The following ALPL variants were observed in gnomAD, a reference collection of about 807,000 sequenced individuals.
ALPL encodes alkaline phosphatase, tissue-nonspecific isozyme.
Under a neutral mutation model 51.3 loss-of-function variants are expected in ALPL, and 42 were observed. That is an observed-to-expected ratio of 0.82 (90% CI 0.64 to 1.06). The LOEUF is 1.06. ALPL is among the 50% of genes least tolerant of loss of function. ALPL has a pLI of 0.00. For synonymous variants in ALPL, 279 were observed against 296.4 expected (o/e 0.94, Z 0.60); for missense variants, 589 against 709.4 (o/e 0.83, Z 1.93).
At chr1:21,515,445 G>A (rs1267092604) in intron 1 of ALPL, among the ~76,000 whole-genome samples, 2 of 152,194 alleles carry the variant, frequency 1.3e-5, no homozygotes, top group Admixed American at 1.3e-4. Context: ...CTGGAGTGCA[G>A]TGGCGTGATC....
At chr1:21,554,651 AG>A in intron 2 of ALPL, among the ~76,000 whole-genome samples, 1 of 150,422 alleles carries the variant, frequency 6.6e-6, no homozygotes, top group South Asian at 2.1e-4. Context: ...CCACCGCGCC[AG>A]GCTAATTTTT....
chr1:21,541,974 G>A (rs1644192868), intron 1 of ALPL, among the ~76,000 whole-genome samples: 2 of 152,166 alleles, frequency 1.3e-5, no homozygotes, highest in South Asian at 4.1e-4. Flanking sequence ...GCCCTCTAGG[G>A]AAGTCCTTCC....
intron 1 of ALPL, among the ~76,000 whole-genome samples, chr1:21,550,362 GGCA>G (rs1644305090): frequency 6.6e-6 from 1 of 152,096 alleles, no homozygotes; most frequent in Non-Finnish European, 1.5e-5. Flanking sequence ...GGTAACCTTG[GGCA>G]AGTCTCCGTC....
intron 1 of ALPL, among the ~76,000 whole-genome samples, chr1:21,518,330 G>T (rs1055655194): frequency 1.3e-5 from 2 of 152,046 alleles, no homozygotes; most frequent in Non-Finnish European, 1.5e-5. Flanking sequence ...CACTTGTTAC[G>T]CACCAAGCCA....
intron 1 of ALPL, among the ~76,000 whole-genome samples, chr1:21,542,957 G>C (rs963535037): frequency 6.6e-6 from 1 of 151,924 alleles, no homozygotes; most frequent in Non-Finnish European, 1.5e-5. Flanking sequence ...TTCGAGACTA[G>C]CCTGGGCAGC....
intron 2 of ALPL, 148 bp downstream of exon 2, chr1:21,554,290 C>A (rs1410925811): frequency 4.0e-6 from 3 of 745,792 alleles, no homozygotes; most frequent in Non-Finnish European, 7.2e-6. Flanking sequence ...AGCCCTGCTA[C>A]TTGCATGTGT....
chr1:21,510,867 C>G (rs1425529592), intron 1 of ALPL, among the ~76,000 whole-genome samples: 1 of 152,210 alleles, frequency 6.6e-6, no homozygotes, highest in East Asian at 1.9e-4. Context: ...CCTGTGTCAC[C>G]TTTTTCTTTC....
At chr1:21,513,633 T>G (rs547356222) in intron 1 of ALPL, among the ~76,000 whole-genome samples, 1 of 152,312 alleles carries the variant, frequency 6.6e-6, no homozygotes, top group South Asian at 2.1e-4. Context: ...TAGCCTGCTG[T>G]GTGCTGGGTT....
At chr1:21,543,888 T>C (rs1380232426) in intron 1 of ALPL, among the ~76,000 whole-genome samples, 1 of 152,224 alleles carries the variant, frequency 6.6e-6, no homozygotes, top group Non-Finnish European at 1.5e-5. Flanking sequence ...TTTATTAGGC[T>C]GCTTGGTAGA....
intron 2 of ALPL, among the ~76,000 whole-genome samples, chr1:21,555,688 G>A (rs376664967): frequency 6.6e-6 from 1 of 152,114 alleles, no homozygotes; most frequent in Non-Finnish European, 1.5e-5. Context: ...AAAGTGCTGG[G>A]ATTACAGGTG....
intron 1 of ALPL, among the ~76,000 whole-genome samples, chr1:21,545,394 G>T (rs1470488028): frequency 1.3e-5 from 2 of 152,074 alleles, no homozygotes; most frequent in Non-Finnish European, 2.9e-5. Flanking sequence ...GGGTTCAAGC[G>T]ATTCTCCTGC....
chr1:21,566,882 CCACCGCGCCTGGCCAGTCG>C (rs1222941754), intron 6 of ALPL, among the ~76,000 whole-genome samples: 26 of 152,252 alleles, frequency 1.7e-4, no homozygotes, highest in Non-Finnish European at 2.9e-5. Context: ...CAGGCATGAG[CCACCGCGCCTGGCCAGTCG>C]CATTTTATGG....
chr1:21,562,363 G>A (rs572906400), intron 4 of ALPL, among the ~76,000 whole-genome samples: 28 of 152,310 alleles, frequency 1.8e-4, no homozygotes, highest in Non-Finnish European at 3.5e-4. Context: ...ACACTAAAAT[G>A]AGGTGTGCCT....
intron 1 of ALPL, among the ~76,000 whole-genome samples, chr1:21,537,119 A>G (rs1322655489): frequency 1.3e-5 from 2 of 151,944 alleles, no homozygotes; most frequent in Admixed American, 1.3e-4. Context: ...GATGGTCTTG[A>G]TCTCCTGACC....
At chr1:21,540,293 G>A (rs957185175) in intron 1 of ALPL, among the ~76,000 whole-genome samples, 1 of 151,238 alleles carries the variant, frequency 6.6e-6, no homozygotes, top group African/African-American at 2.4e-5. Flanking sequence ...TCCCTCCCCT[G>A]CGATCTCCCT....
rs918293845 is a variant in ALPL at position 21,560,302 on chromosome 1, A to G, written c.62-324A>G. Among the ~76,000 whole-genome samples, 3 of 152,328 alleles carry G rather than the reference A, an allele frequency of 2.0e-5. No individual in the cohort carries two copies. In the South Asian group the frequency reaches 6.2e-4, roughly 32 times the overall value. Reference sequence around the variant, plus strand: ...CTCATCTCCCTACTGGGTAGAAGGAATGAGCATGGGCTTTGGAGCGAAACC... The same window carrying G: ...CTCATCTCCCTACTGGGTAGAAGGAGTGAGCATGGGCTTTGGAGCGAAACC... On this transcript the variant is annotated intron_variant, in intron 2 of 11. Transcript: ENST00000374840.
chr1:21,551,454 A>G (rs1056741624), intron 1 of ALPL: 1 of 152,166 alleles, frequency 6.6e-6, no homozygotes, highest in Admixed American at 6.5e-5. Flanking sequence ...AGTGATTTTA[A>G]ATAATAGTTT....
chr1:21,558,339 G>A (rs1644439884), intron 2 of ALPL, among the ~76,000 whole-genome samples: 1 of 151,980 alleles, frequency 6.6e-6, no homozygotes, highest in African/African-American at 2.4e-5. Context: ...AGCGGGTCAG[G>A]GTGGGTAGAA....
At chr1:21,553,373 C>A (rs1336836674) in intron 1 of ALPL, among the ~76,000 whole-genome samples, 2 of 152,118 alleles carry the variant, frequency 1.3e-5, no homozygotes, top group African/African-American at 2.4e-5. Flanking sequence ...ATTTTTATAT[C>A]TCTTACCATA....
Sources: gnomAD v4.1 joint callset for allele counts (sites outside exome capture counted in the v4.1 genomes callset) on GRCh38, gnomAD v4.1.1 for gene constraint, MANE v1.5 for transcripts, NCBI Gene and HGNC (gene_info 2026-07-23, HGNC 2026-07-21) for gene names.